The following ZNF667 variants were observed in gnomAD, a reference collection of about 807,000 sequenced individuals.
The protein encoded by ZNF667 is myocardial ischemic preconditioning upregulated 1 ortholog.
ZNF667 carries 13 observed loss-of-function variants against 31.8 expected under a neutral mutation model. The observed-to-expected ratio is 0.41, with a 90% CI of 0.27 to 0.65. The LOEUF (loss-of-function observed/expected upper bound fraction) is 0.65. Among genes scored for constraint, ZNF667 ranks in the 30% least tolerant of loss-of-function variants. The probability of loss-of-function intolerance (pLI) is 0.32; values close to 1 mark genes in which losing one functional copy is unlikely to be tolerated. For synonymous variants in ZNF667, 228 were observed against 247.1 expected, an observed-to-expected ratio of 0.92 and a Z score of 0.73; for missense variants, 642 against 725.6, an observed-to-expected ratio of 0.88 and a Z score of 1.32.
chr19:56,467,031 G>A (rs747456933), intron 3 of ZNF667: 3 of 456,510 alleles, frequency 6.6e-6, no homozygotes, highest in Admixed American at 2.3e-5. Context: ...CCTCTCTTAT[G>A]GTCTGGATTG....
intron 5 of ZNF667, among the ~76,000 whole-genome samples, chr19:56,459,126 A>G (rs2147770216): frequency 6.6e-6 from 1 of 152,306 alleles, no homozygotes; most frequent in African/African-American, 2.4e-5. Context: ...GAAAACCTCC[A>G]AACATCTGGT....
At chr19:56,460,528 TG>T (rs375983178) in intron 5 of ZNF667, among the ~76,000 whole-genome samples, 160 bp downstream of exon 5, 91 of 152,300 alleles carry the variant, frequency 6.0e-4, no homozygotes, top group African/African-American at 2.0e-3. Flanking sequence ...ACCATTTAAT[TG>T]TGTACTTTTT....
intron 1 of ZNF667, 125 bp downstream of exon 1, chr19:56,477,145 ACC>A (rs2043429229): frequency 6.6e-6 from 1 of 152,008 alleles, no homozygotes; most frequent in Non-Finnish European, 1.5e-5. Context: ...CCACGCAAGC[ACC>A]CGCGCAGACG....
At chr19:56,463,574 C>T (rs1471947847) in intron 3 of ZNF667, among the ~76,000 whole-genome samples, 1 of 152,042 alleles carries the variant, frequency 6.6e-6, no homozygotes, top group Non-Finnish European at 1.5e-5. Flanking sequence ...GTTGCCCAGG[C>T]GGGAATGCAG....
chr19:56,444,076 T>C (rs373344402), intron 6 of ZNF667: 62 of 394,486 alleles, frequency 1.6e-4, no homozygotes, highest in African/African-American at 1.2e-3. Flanking sequence ...GGTTATATGA[T>C]ATAATATGTT....
At chr19:56,447,502 T>C (rs1239777363) in intron 6 of ZNF667, among the ~76,000 whole-genome samples, 2 of 151,982 alleles carry the variant, frequency 1.3e-5, no homozygotes, top group African/African-American at 4.8e-5. Context: ...GGAGGACTGC[T>C]TGAGCCCAGG....
At position 56,441,960 on chromosome 19, in the gene ZNF667, CA is replaced by C. The variant is rs1319001453; in HGVS notation, c.1034del (p.Leu345ArgfsTer33). 8 of 1,613,918 alleles carry C rather than the reference CA, an allele frequency of 5.0e-6. No individual in the cohort carries two copies. Among genetic ancestry groups the C allele is most frequent in the Admixed American group, 1.7e-5 (1 of 59,970 alleles). ...CGKLFNRISP[L>X]MLHQRIHTSE... ...AAGTGTGAATTCTCTGGTGAAGCATCAGGGGTGAAATCCTATTAAATAATTT... is the reference window on the plus strand; with the variant it reads ...AAGTGTGAATTCTCTGGTGAAGCATCGGGGTGAAATCCTATTAAATAATTT... On this transcript the variant is annotated frameshift_variant, in exon 7 of 7. Coordinates refer to ENST00000504904, the MANE Select transcript of ZNF667 (RefSeq NM_001321356.2). LOFTEE classifies it high-confidence loss of function. The surrounding 1 kb of genome is among the most constrained non-coding windows in gnomAD (Gnocchi z 4.2).
intron 3 of ZNF667, among the ~76,000 whole-genome samples, chr19:56,471,274 C>T (rs75992332): frequency 0.012 from 1,896 of 152,270 alleles, 39 homozygotes; most frequent in African/African-American, 0.044. Context: ...TCCTGTACAA[C>T]CTGCAGAACC....
chr19:56,453,027 G>A (rs1568844613), intron 6 of ZNF667, among the ~76,000 whole-genome samples: 3 of 151,882 alleles, frequency 2.0e-5, no homozygotes, highest in African/African-American at 2.4e-5. Flanking sequence ...TAAGACCAGA[G>A]ATGCAAAAGG....
chr19:56,459,807 T>C (rs551770168), intron 5 of ZNF667, among the ~76,000 whole-genome samples: 3 of 152,206 alleles, frequency 2.0e-5, no homozygotes, highest in Non-Finnish European at 2.9e-5. Context: ...TCCTGGCTAA[T>C]ACGGGGAAAC....
chr19:56,455,787 C>T (rs1308681617), intron 6 of ZNF667, among the ~76,000 whole-genome samples: 1 of 152,066 alleles, frequency 6.6e-6, no homozygotes, highest in Non-Finnish European at 1.5e-5. Context: ...GTTTGTAACA[C>T]AATAATAAAA....
At chr19:56,454,714 C>T (rs115176377) in intron 6 of ZNF667, among the ~76,000 whole-genome samples, 5,313 of 149,878 alleles carry the variant, frequency 0.035, 242 homozygotes, top group African/African-American at 0.096. Flanking sequence ...CTAAAACAAT[C>T]AAACTACTAA....
In ZNF667 at chr19:56,441,278, G is replaced by A. The variant is rs995890001; in HGVS notation, c.1717C>T (p.His573Tyr). The change falls in exon 7 of 7, where the codon CAT (histidine) becomes TAT (tyrosine). Residue 573 changes from histidine (H) to tyrosine (Y), a missense_variant. Physicochemically the swap from His to Tyr is moderately conservative, Grantham distance 83 (BLOSUM62 2). Coordinates refer to ENST00000504904, the MANE Select transcript of ZNF667 (RefSeq NM_001321356.2). The surrounding 1 kb of genome is among the most constrained non-coding windows in gnomAD (Gnocchi z 4.2). ...TTCTCTGAAGAATGACTTCTCTGAT[G>A]TCGAATAAGGTCTGAGCCACTGCTA... The part of the protein sequence containing the change: ...AFSSGSDLIR[H>Y]QRSHSSEKPY... 1 of 1,613,932 alleles carries A rather than the reference G, an allele frequency of 6.2e-7. No homozygotes were observed. The highest frequency in any genetic ancestry group is 8.5e-7 in the Non-Finnish European group (1 of 1,179,792).
chr19:56,453,121 A>G (rs1361679762), intron 6 of ZNF667, among the ~76,000 whole-genome samples: 1 of 152,186 alleles, frequency 6.6e-6, no homozygotes, highest in African/African-American at 2.4e-5. Flanking sequence ...TAGAAAACCT[A>G]GAAGAAATAG....
intron 6 of ZNF667, among the ~76,000 whole-genome samples, chr19:56,447,299 A>T (rs2042727325): frequency 6.6e-6 from 1 of 152,196 alleles, no homozygotes; most frequent in South Asian, 2.1e-4. Context: ...AGCAGAAAAT[A>T]AAAAAGTCAC....
rs139404520 is a variant in ZNF667 at position 56,441,947 on chromosome 19, T to G, written c.1048A>C (p.Arg350=). 6.8e-6 allele frequency: 11 copies of G among 1,614,032 alleles called. No individual in the cohort carries two copies. The highest frequency in any genetic ancestry group is 1.6e-4 in the Middle Eastern group (1 of 6,084). The change falls in exon 7 of 7, where the codon AGA becomes CGA. Residue 350 remains arginine, a synonymous_variant. Transcript: ENST00000504904. The surrounding 1 kb of genome is among the most constrained non-coding windows in gnomAD (Gnocchi z 4.2). ...TACGGTTTCTCTGAAGTGTGAATTC[T>G]CTGGTGAAGCATCAGGGGTGAAATC... ...NRISPLMLHQ[R]IHTSEKPYKC...
At chr19:56,449,863 C>A (rs2042784182) in intron 6 of ZNF667, among the ~76,000 whole-genome samples, 1 of 151,354 alleles carries the variant, frequency 6.6e-6, no homozygotes, top group African/African-American at 2.4e-5. Flanking sequence ...GCATCAGAGT[C>A]TCTCAACAGC....
chr19:56,455,772 G>T (rs2042918859), intron 6 of ZNF667, among the ~76,000 whole-genome samples: 2 of 152,170 alleles, frequency 1.3e-5, no homozygotes, highest in Admixed American at 1.3e-4. Context: ...GAGTACAATA[G>T]GAATGTTTGT....
intron 6 of ZNF667, chr19:56,449,269 T>C (rs2042769305): frequency 4.5e-6 from 2 of 440,294 alleles, no homozygotes; most frequent in South Asian, 1.7e-5. Context: ...CAAACATCCA[T>C]AAGCATCAAG....
Sources: gnomAD v4.1 joint callset for allele counts (sites outside exome capture counted in the v4.1 genomes callset) on GRCh38, gnomAD v4.1.1 for gene constraint, Gnocchi (gnomAD v3.1) non-coding constraint, MANE v1.5 for transcripts, NCBI Gene and HGNC (gene_info 2026-07-23, HGNC 2026-07-21) for gene names.